Variants in PTPRD observed in about 807,000 individuals in gnomAD.
PTPRD encodes protein tyrosine phosphatase receptor type D.
Under a neutral mutation model 214.5 loss-of-function variants are expected in PTPRD, and 34 were observed. That is an observed-to-expected ratio of 0.16 (90% CI 0.12 to 0.21). The LOEUF (loss-of-function observed/expected upper bound fraction) is 0.21, where lower values mean the gene tolerates loss of function less well. Among genes scored for constraint, PTPRD ranks in the 10% least tolerant of loss-of-function variants. The probability of loss-of-function intolerance (pLI) is 1.00; values close to 1 mark genes in which losing one functional copy is unlikely to be tolerated. For missense variants in PTPRD, 2,545 were observed against 2,398.7 expected, an observed-to-expected ratio of 1.06 and a Z score of -1.27; for synonymous variants, 1,128 against 845.7, an observed-to-expected ratio of 1.33 and a Z score of -5.79.
At chr9:9,505,487 G>C (rs1206736355) in intron 8 of PTPRD, among the ~76,000 whole-genome samples, 1 of 151,470 alleles carries the variant, frequency 6.6e-6, no homozygotes, top group Non-Finnish European at 1.5e-5. Context: ...GAATAAATTT[G>C]ATGCCAGATT....
In PTPRD at chr9:9,789,915, T is replaced by A. The variant is rs962645438; in HGVS notation, c.-367-23064A>T. 2.0e-5 allele frequency among the ~76,000 whole-genome samples: 3 copies of A among 152,110 alleles called. No individual in the cohort carries two copies. The South Asian group carries it at 6.2e-4, about 32-fold the overall frequency. ...TGAAATCTCTCATAAATTCTCTGGA[T>A]GAACTTCAATTATATTCAGGTCTTC... On this transcript the variant is annotated intron_variant, in intron 5 of 45. Transcript: ENST00000381196.
chr9:8,950,403 T>C (rs1354099963), intron 11 of PTPRD, among the ~76,000 whole-genome samples: 1 of 151,870 alleles, frequency 6.6e-6, no homozygotes, highest in East Asian at 1.9e-4. Flanking sequence ...GAGAAGGGTA[T>C]GTGAGTCCAG....
intron 3 of PTPRD, among the ~76,000 whole-genome samples, chr9:10,043,016 T>C (rs1300015968): frequency 6.6e-6 from 1 of 151,992 alleles, no homozygotes. Context: ...ATCTGAGTTC[T>C]AACACAAATC....
intron 10 of PTPRD, among the ~76,000 whole-genome samples, chr9:9,179,964 TTAA>T (rs2099927208): frequency 6.6e-6 from 1 of 152,086 alleles, no homozygotes; most frequent in African/African-American, 2.4e-5. Context: ...AAAATAAATG[TTAA>T]AATATTTAAG....
intron 4 of PTPRD, among the ~76,000 whole-genome samples, chr9:9,944,788 G>A (rs769688389): frequency 1.6e-4 from 24 of 152,014 alleles, no homozygotes; most frequent in African/African-American, 2.4e-5. Flanking sequence ...ATTTGAGTAA[G>A]TTATTTTAAA....
chr9:9,223,437 T>C (rs2133459182), intron 9 of PTPRD, among the ~76,000 whole-genome samples: 1 of 152,166 alleles, frequency 6.6e-6, no homozygotes, highest in South Asian at 2.1e-4. Context: ...CAGAGTTCTC[T>C]AGTTCACACA....
intron 11 of PTPRD, among the ~76,000 whole-genome samples, chr9:8,866,146 A>C (rs1485838309): frequency 3.9e-5 from 6 of 152,190 alleles, no homozygotes; most frequent in African/African-American, 1.4e-4. Context: ...CCACATCTCC[A>C]AAATTACTAG....
In PTPRD at chr9:8,321,391, TAA is replaced by T. The variant is rs2130823641; in HGVS notation, c.5535-1427_5535-1426del. 2.0e-5 allele frequency among the ~76,000 whole-genome samples: 3 copies of T among 149,964 alleles called. No individual in the cohort carries two copies. In the East Asian group the frequency reaches 5.9e-4, roughly 30 times the overall value. On this transcript the variant is annotated intron_variant, in intron 44 of 45. Transcript: ENST00000381196. ...TACTGGTTTTATCATCTTACTTTAA[TAA>T]GTTATAAATAAGAAAAGTGGTATTT...
rs149249242 is a variant in PTPRD, at chr9:8,520,281, T to TTG, written c.961+994_961+995dup. On this transcript the variant is annotated intron_variant, in intron 20 of 45. Transcript: ENST00000381196. Reference sequence around the variant, plus strand: ...TACACAATATAACATTATTTCACGATTGTAAATGTTGACAATGTGTACCTT... The same window carrying TTG: ...TACACAATATAACATTATTTCACGATTGTGTAAATGTTGACAATGTGTACCTT... Among the ~76,000 whole-genome samples, 1,093 of 152,270 alleles carry TTG rather than the reference T, an allele frequency of 7.2e-3. 8 individuals are homozygous for TTG. Among genetic ancestry groups the TTG allele is most frequent in the Middle Eastern group, 0.044 (13 of 294 alleles).
At chr9:10,100,285 A>T (rs2098538901) in intron 3 of PTPRD, among the ~76,000 whole-genome samples, 1 of 151,716 alleles carries the variant, frequency 6.6e-6, no homozygotes, top group African/African-American at 2.4e-5. Flanking sequence ...TAGTTAGAAC[A>T]ATATGAAGTC....
chr9:9,051,557 T>C (rs577398738), intron 10 of PTPRD, among the ~76,000 whole-genome samples: 1 of 152,220 alleles, frequency 6.6e-6, no homozygotes, highest in South Asian at 2.1e-4. Context: ...AATCCAGAAA[T>C]CAACAGCAAT....
chr9:10,036,478 G>C (rs117436620), intron 3 of PTPRD, among the ~76,000 whole-genome samples: 4,295 of 148,164 alleles, frequency 0.029, 119 homozygotes, highest in Admixed American at 0.09. Context: ...AAAACAAATA[G>C]CAGCAAGGCA....
At chr9:10,423,211 A>T (rs185516594) in intron 2 of PTPRD, among the ~76,000 whole-genome samples, 72 of 152,084 alleles carry the variant, frequency 4.7e-4, no homozygotes, top group African/African-American at 1.6e-3. Flanking sequence ...AAGGACAGAA[A>T]ACCAAGCACC....
intron 14 of PTPRD, among the ~76,000 whole-genome samples, chr9:8,594,697 A>G (rs920151788): frequency 9.2e-5 from 14 of 152,054 alleles, no homozygotes; most frequent in Non-Finnish European, 1.8e-4. Flanking sequence ...GCCTGCGGCC[A>G]TGTAAAACGT....
intron 2 of PTPRD, among the ~76,000 whole-genome samples, chr9:10,429,451 T>C (rs1020255359): frequency 2.6e-5 from 4 of 151,864 alleles, no homozygotes; most frequent in African/African-American, 9.7e-5. Context: ...TATCAACGAA[T>C]GAATAAAGTG....
chr9:10,206,205 TA>T (rs1248699617), intron 3 of PTPRD, among the ~76,000 whole-genome samples: 14 of 151,896 alleles, frequency 9.2e-5, no homozygotes, highest in African/African-American at 3.1e-4. Context: ...AGGAATGAAA[TA>T]CCACAGCATG....
At chr9:8,384,436 T>C (rs2086254062) in intron 37 of PTPRD, among the ~76,000 whole-genome samples, 2 of 152,214 alleles carry the variant, frequency 1.3e-5, no homozygotes, top group Admixed American at 1.3e-4. Flanking sequence ...TATTTCATAT[T>C]ACACAGTACA....
rs1189398138 is a variant in PTPRD, at chr9:10,336,835, C to T, written c.-545+4128G>A. ...TCTGGAAAATACTACTAGAACTAGA[C>T]TGTGAAGGAAAACTGGAGCTTTGGA... On this transcript the variant is annotated intron_variant, in intron 3 of 45. Transcript: ENST00000381196. 2.0e-5 allele frequency among the ~76,000 whole-genome samples: 3 copies of T among 151,582 alleles called. 1 individual carries two copies. Among genetic ancestry groups the T allele is most frequent in the Non-Finnish European group, 4.4e-5 (3 of 67,742 alleles).
chr9:9,047,759 G>C (rs150319550), intron 10 of PTPRD, among the ~76,000 whole-genome samples: 2 of 152,088 alleles, frequency 1.3e-5, no homozygotes, highest in East Asian at 3.9e-4. Flanking sequence ...TTAAATCTAA[G>C]ACCTCACACT....
Sources: allele counts gnomAD v4.1 joint callset (sites outside exome capture counted in the v4.1 genomes callset), GRCh38; gene constraint gnomAD v4.1.1; transcripts MANE v1.5; gene names NCBI Gene and HGNC (gene_info 2026-07-23, HGNC 2026-07-21).